FAS: variants seen among roughly 807,000 people sequenced by gnomAD.
FAS encodes the protein tumor necrosis factor receptor superfamily member 6.
FAS carries 5 observed loss-of-function variants against 33.2 expected under a neutral mutation model. The observed-to-expected ratio is 0.15, with a 90% confidence interval of 0.08 to 0.32. The LOEUF is 0.32. Among genes scored for constraint, FAS ranks in the 10% least tolerant of loss-of-function variants. The pLI, the probability that FAS is intolerant of heterozygous loss-of-function variation, is 1.00. For missense variants in FAS, 339 were observed against 386.0 expected (o/e 0.88, Z 1.02); for synonymous variants, 131 against 130.7 (o/e 1.00, Z -0.01).
chr10:88,973,073 G>T, intron 1 of FAS: 1 of 1,266,540 alleles, frequency 7.9e-7, no homozygotes, highest in South Asian at 1.6e-5. Flanking sequence ...TAAGTACTTA[G>T]TCTTTCAAAA....
intron 1 of FAS, among the ~76,000 whole-genome samples, chr10:88,966,801 T>G (rs1846326708): frequency 6.6e-6 from 1 of 152,176 alleles, no homozygotes; most frequent in Non-Finnish European, 1.5e-5. Context: ...AACTATTAAG[T>G]GCCAATCAGA....
upstream of FAS, among the ~76,000 whole-genome samples, chr10:88,981,985 T>C (rs1363244392): frequency 6.6e-6 from 1 of 152,196 alleles, no homozygotes; most frequent in Non-Finnish European, 1.5e-5. Flanking sequence ...TCCCTGTAGG[T>C]GTGGGTATGA....
At chr10:88,990,640 C>A, upstream of FAS, 1 of 694,788 alleles carries the variant, frequency 1.4e-6, no homozygotes, top group South Asian at 1.5e-5. This position sits in a 1 kb window ranked among gnomAD's most constrained non-coding sequence, Gnocchi z 4.9. Flanking sequence ...TTTTCGTGAG[C>A]TCGTCTCTGA....
chr10:88,990,546 G>T, upstream of FAS: 3 of 628,556 alleles, frequency 4.8e-6, no homozygotes, highest in Non-Finnish European at 5.9e-6. This position sits in a 1 kb window ranked among gnomAD's most constrained non-coding sequence, Gnocchi z 4.9. Context: ...CCGCGCGCAG[G>T]CCAAGTTGCT....
chr10:89,011,041 C>T lies in FAS; in HGVS notation c.568+226C>T. The T allele has an allele frequency of 1.0e-5, 6 of 591,060 alleles. No individual in the cohort carries two copies. The South Asian group carries it at 1.2e-4, about 12-fold the overall frequency. The allele number at this position is 591,060 out of a possible 1,614,324, so 36.6% of individuals were successfully genotyped here. ...TTGGGGCATTGAGTGGTATTCTCAT[C>T]CTTCCTATGAACAGGTGTTCTCTGC... On this transcript the variant is annotated intron_variant, in intron 6 of 8. Coordinates refer to ENST00000652046, the MANE Select transcript of FAS (RefSeq NM_000043.6).
upstream of FAS, chr10:88,989,381 G>C: frequency 2.7e-6 from 1 of 367,254 alleles, no homozygotes; most frequent in Non-Finnish European, 5.4e-6. Flanking sequence ...TTTTGGAATA[G>C]TTTTAGGATT....
intron 2 of FAS, among the ~76,000 whole-genome samples, chr10:88,976,257 G>A (rs61852569): frequency 0.088 from 13,458 of 152,196 alleles, 780 homozygotes; most frequent in Non-Finnish European, 0.14. Context: ...TTACGAATTC[G>A]TGTTGGGCTG....
upstream of FAS, chr10:88,990,683 G>T: frequency 1.4e-6 from 1 of 712,688 alleles, no homozygotes; most frequent in Non-Finnish European, 2.5e-6. The surrounding 1 kb of genome is among the most constrained non-coding windows in gnomAD (Gnocchi z 4.9). Context: ...GGTGTTCAAA[G>T]ACGCTTCTGG....
At chr10:88,990,563 A>G (rs1847101419), upstream of FAS, 1 of 644,884 alleles carries the variant, frequency 1.6e-6, no homozygotes, top group East Asian at 3.0e-5. The surrounding 1 kb of genome is among the most constrained non-coding windows in gnomAD (Gnocchi z 4.9). Context: ...TGCTGAATCA[A>G]TGGAGCCCTC....
chr10:88,973,009 C>T (rs1360574142), intron 1 of FAS, among the ~76,000 whole-genome samples: 1 of 152,166 alleles, frequency 6.6e-6, no homozygotes, highest in Non-Finnish European at 1.5e-5. Context: ...AATACTAAAG[C>T]AAAATTGAAA....
At chr10:88,990,104 C>T (rs1265691638), upstream of FAS, among the ~76,000 whole-genome samples, 1 of 152,152 alleles carries the variant, frequency 6.6e-6, no homozygotes, top group African/African-American at 2.4e-5. The surrounding 1 kb of genome is among the most constrained non-coding windows in gnomAD (Gnocchi z 4.9). Flanking sequence ...AAGTTGTTAG[C>T]TTTGTTTTCC....
chr10:89,002,612 G>A (rs1589463647), intron 1 of FAS: 1 of 217,894 alleles, frequency 4.6e-6, no homozygotes, highest in Non-Finnish European at 9.4e-6. Flanking sequence ...GCATGTATTT[G>A]TTATGTGCCA....
At chr10:88,980,445 C>T (rs943422829) in intron 2 of FAS, among the ~76,000 whole-genome samples, 6 of 152,066 alleles carry the variant, frequency 3.9e-5, no homozygotes, top group African/African-American at 1.4e-4. Flanking sequence ...GTCTGGTGAG[C>T]CAAAAGAGAG....
upstream of FAS, chr10:88,989,450 T>C: frequency 1.9e-6 from 1 of 540,284 alleles, no homozygotes; most frequent in Non-Finnish European, 3.7e-6. Flanking sequence ...CTTATCCCAC[T>C]TCTTTTTGTG....
At chr10:89,000,531 T>G (rs1847860495) in intron 1 of FAS, among the ~76,000 whole-genome samples, 1 of 152,236 alleles carries the variant, frequency 6.6e-6, no homozygotes, top group Non-Finnish European at 1.5e-5. Context: ...ATAAGCACCA[T>G]TAAAATTTCT....
At chr10:89,011,152 G>A (rs1589483598) in intron 6 of FAS, among the ~76,000 whole-genome samples, 1 of 152,140 alleles carries the variant, frequency 6.6e-6, no homozygotes. Context: ...AAGAAGCAAA[G>A]GCATTCCCAG....
chr10:89,012,197 A>T (rs1848567343), intron 7 of FAS, 116 bp downstream of exon 7: 6 of 912,820 alleles, frequency 6.6e-6, no homozygotes, highest in Non-Finnish European at 1.0e-5. Context: ...ATTTTGTTTG[A>T]GATGGAGTCT....
At chr10:88,976,104 G>C (rs1185332837) in intron 2 of FAS, among the ~76,000 whole-genome samples, 2 of 152,134 alleles carry the variant, frequency 1.3e-5, no homozygotes, top group African/African-American at 4.8e-5. Context: ...GTGTAATACA[G>C]GGGTGTCCAA....
chr10:88,977,523 A>C (rs1187380255), intron 2 of FAS, among the ~76,000 whole-genome samples: 1 of 152,196 alleles, frequency 6.6e-6, no homozygotes, highest in East Asian at 1.9e-4. Flanking sequence ...AATATCCAGA[A>C]TCTACAATGA....
Sources: allele counts gnomAD v4.1 joint callset (sites outside exome capture counted in the v4.1 genomes callset), GRCh38; gene constraint gnomAD v4.1.1; non-coding constraint Gnocchi (gnomAD v3.1); transcripts MANE v1.5; gene names NCBI Gene and HGNC (gene_info 2026-07-23, HGNC 2026-07-21).